SMARCD2: variants seen among roughly 807,000 people sequenced by gnomAD.
The protein encoded by SMARCD2 is SWI/SNF related BAF chromatin remodeling complex subunit D2, also known as SWI/SNF-related matrix-associated actin-dependent regulator of chromatin subfamily D member 2.
In SMARCD2, 39 loss-of-function variants were observed where a neutral mutation model predicts 70.4. The ratio of observed to expected loss-of-function variants is 0.55; its 90% confidence interval spans 0.43 to 0.72. The LOEUF (loss-of-function observed/expected upper bound fraction) is 0.72, where lower values mean the gene tolerates loss of function less well. SMARCD2 is among the 30% of genes least tolerant of loss of function. The pLI is 0.00. For missense variants in SMARCD2, 540 were observed against 713.4 expected, an observed-to-expected ratio of 0.76 and a Z score of 2.77; for synonymous variants, 249 against 279.4, an observed-to-expected ratio of 0.89 and a Z score of 1.08.
chr17:63,839,880 G>A (rs1013897318), intron 1 of SMARCD2, among the ~76,000 whole-genome samples: 1 of 152,164 alleles, frequency 6.6e-6, no homozygotes, highest in Non-Finnish European at 1.5e-5. Flanking sequence ...TATAATCCCA[G>A]CACTTTGGGA....
At position 63,833,106 on chromosome 17, in the gene SMARCD2, C is replaced by A; in HGVS notation, c.1505G>T (p.Trp502Leu). ...GTGCCTGCCTACTGCTTCCTGGGCC[C>A]AGGGCTGGTGGTAGAAAGCAGCTCG... ...ERRAAFYHQP[W>L]AQEAVGRHIF... The change falls in exon 12 of 13, where the codon TGG becomes TTG. Residue 502 changes from tryptophan to leucine, a missense_variant. Physicochemically the swap from Trp to Leu is moderately conservative, Grantham distance 61. Coordinates refer to ENST00000448276, the MANE Select transcript of SMARCD2 (RefSeq NM_001098426.2). The surrounding 1 kb of genome is among the most constrained non-coding windows in gnomAD (Gnocchi z 4.3). The A allele has an allele frequency of 6.2e-7, 1 of 1,604,680 alleles. No individual in the cohort carries two copies. The highest frequency in any genetic ancestry group is 2.2e-5 in the East Asian group (1 of 44,510).
chr17:63,842,560 C>T lies in SMARCD2; in HGVS notation c.115G>A (p.Gly39Arg), dbSNP rs1286199594. 3.1e-5 allele frequency: 37 copies of T among 1,204,904 alleles called. No homozygotes were observed. The highest frequency in any genetic ancestry group is 3.6e-5 in the Non-Finnish European group (35 of 971,080). The allele number at this position is 1,204,904 out of a possible 1,614,324, so 74.6% of individuals were successfully genotyped here. The change falls in exon 1 of 13, where the codon GGA becomes AGA. Residue 39 changes from glycine (G) to arginine (R), a missense_variant. By Grantham distance (125) the Gly-to-Arg change is moderately radical (BLOSUM62 -2). Coordinates refer to ENST00000448276, the MANE Select transcript of SMARCD2 (RefSeq NM_001098426.2). ...GGACCCGGTCCCCGGAGCGCCGGTCCGGGCAGCATGCCGGGTCCCGCGGGG... is the reference window on the plus strand; with the variant it reads ...GGACCCGGTCCCCGGAGCGCCGGTCTGGGCAGCATGCCGGGTCCCGCGGGG... ...PPPAGPGMLP[G>R]PALRGPGPAG...
chr17:63,839,319 G>C lies in SMARCD2; in HGVS notation c.217-1694C>G, dbSNP rs900376386. 4 of 817,134 alleles carry C rather than the reference G, an allele frequency of 4.9e-6. No homozygotes were observed. In the African/African-American group the frequency reaches 7.4e-5, roughly 15 times the overall value. The allele number at this position is 817,134 out of a possible 1,614,324, so 50.6% of individuals were successfully genotyped here. A position where few individuals can be genotyped will look rare whatever the true frequency, so the allele number is the denominator to read the frequency against. On this transcript the variant is annotated intron_variant, in intron 1 of 12. Transcript: ENST00000448276. ...TGTGGTCCCCAGGAAGCTCCCTGCT[G>C]CAGTGTTCACAAAACCTGCAGCACC...
At position 63,834,625 on chromosome 17, in the gene SMARCD2, CAG is replaced by C; in HGVS notation, c.820-52_820-51del. 6 of 1,570,924 alleles carry C rather than the reference CAG, an allele frequency of 3.8e-6. No homozygotes were observed. The highest frequency in any genetic ancestry group is 5.2e-6 in the Non-Finnish European group (6 of 1,143,034). On this transcript the variant is annotated intron_variant, in intron 6 of 12. Transcript: ENST00000448276. The surrounding 1 kb of genome is among the most constrained non-coding windows in gnomAD (Gnocchi z 5.6). ...ATCACCAAGGGGGTGGGCGTGAACA[CAG>C]GGCCTCCCAAGGGCCCTGAGGCCAT... is the stretch of plus-strand genomic sequence containing the variant.
In SMARCD2 at chr17:63,837,591, A is replaced by G; in HGVS notation, c.251T>C (p.Met84Thr). The G allele has an allele frequency of 6.2e-7, 1 of 1,613,154 alleles. No homozygotes were observed. ...AGGGGGTCCCACCTGCAAGCCAGCC[A>G]TGGGCATCCGGTTCCCTGGTGACAT... ...PGMSPGNRMPMAGLQVGPPAG... is the reference protein window; with the variant it reads ...PGMSPGNRMPTAGLQVGPPAG... The change falls in exon 2 of 13, where the codon ATG becomes ACG. Residue 84 changes from methionine to threonine, a missense_variant. Transcript: ENST00000448276. This position sits in a 1 kb window ranked among gnomAD's most constrained non-coding sequence, Gnocchi z 6.4.
intron 1 of SMARCD2, chr17:63,839,014 G>A: frequency 1.0e-6 from 1 of 985,340 alleles, no homozygotes; most frequent in South Asian, 4.7e-5. Flanking sequence ...GTGTTTGGGA[G>A]AATAAAAAGT....
chr17:63,835,285 G>C, intron 5 of SMARCD2, 127 bp downstream of exon 5: 1 of 939,866 alleles, frequency 1.1e-6, no homozygotes, highest in East Asian at 2.7e-5. Context: ...ACCGCACCCA[G>C]CTAATTTTTA....
At chr17:63,839,767 T>C (rs1437328546) in intron 1 of SMARCD2, among the ~76,000 whole-genome samples, 2 of 152,138 alleles carry the variant, frequency 1.3e-5, no homozygotes, top group African/African-American at 4.8e-5. Context: ...AATGTGGCCC[T>C]GATGCTCCTG....
In SMARCD2 at chr17:63,837,672, C is replaced by A. The variant is rs927876118; in HGVS notation, c.217-47G>T. 5 of 1,518,486 alleles carry A rather than the reference C, an allele frequency of 3.3e-6. No homozygotes were observed. Among genetic ancestry groups the A allele is most frequent in the Non-Finnish European group, 4.5e-6 (5 of 1,110,060 alleles). The allele number at this position is 1,518,486 out of a possible 1,614,324, so 94.1% of individuals were successfully genotyped here. The stretch of plus-strand genomic sequence containing the variant: ...GGGTGCATAGGTCAGGGGCAAGGCC[C>A]TCCGGGACCCATAGCCCATGCCCTC... On this transcript the variant is annotated intron_variant, in intron 1 of 12. Coordinates refer to ENST00000448276, the MANE Select transcript of SMARCD2 (RefSeq NM_001098426.2). The surrounding 1 kb of genome is among the most constrained non-coding windows in gnomAD (Gnocchi z 6.4).
intron 1 of SMARCD2, chr17:63,842,247 AG>A: frequency 1.2e-6 from 1 of 854,072 alleles, no homozygotes; most frequent in South Asian, 4.7e-5. Flanking sequence ...CAGGCCTCCC[AG>A]CTGCTTCCAG....
chr17:63,835,887 C>T (rs141238370), intron 4 of SMARCD2, among the ~76,000 whole-genome samples: 2,112 of 152,210 alleles, frequency 0.014, 46 homozygotes, highest in African/African-American at 0.049. Flanking sequence ...CACCACCATG[C>T]CCAGCTAATT....
chr17:63,832,652 T>G lies in SMARCD2; in HGVS notation c.*286A>C. 1 of 504,376 alleles carries G rather than the reference T, an allele frequency of 2.0e-6. No individual in the cohort carries two copies. The highest frequency in any genetic ancestry group is 2.2e-5 in the South Asian group (1 of 44,776). 31.2% of individuals were successfully genotyped at this position (504,376 alleles called of 1,614,324 possible). A position where few individuals can be genotyped will look rare whatever the true frequency, so the allele number is the denominator to read the frequency against. ...AACCCAGCAGCCTTTGGTTCGGAAA[T>G]GTCTTACAATGTCAAAGCACAGCCT... On this transcript the variant is annotated 3_prime_UTR_variant, in exon 13 of 13. Transcript: ENST00000448276.
rs1045326938 is a variant in SMARCD2 at position 63,832,879 on chromosome 17, G to A, written c.*59C>T. The A allele has an allele frequency of 4.1e-6, 6 of 1,471,296 alleles. No homozygotes were observed. In the South Asian group the frequency reaches 4.9e-5, roughly 12 times the overall value. The allele number at this position is 1,471,296 out of a possible 1,614,324, so 91.1% of individuals were successfully genotyped here. ...GCCTACGTGTCTGCGGCCCCAGCAA[G>A]GACCCAGAGGGTGGTCTCCCTCCAG... On this transcript the variant is annotated 3_prime_UTR_variant, in exon 13 of 13. Coordinates refer to ENST00000448276, the MANE Select transcript of SMARCD2 (RefSeq NM_001098426.2).
chr17:63,835,080 C>G (rs2040248222), intron 5 of SMARCD2: 1 of 536,248 alleles, frequency 1.9e-6, no homozygotes, highest in East Asian at 3.2e-5. Context: ...AGCAGCGCCC[C>G]CCTCCCTATG....
chr17:63,838,432 T>C (rs1324969761), intron 1 of SMARCD2, among the ~76,000 whole-genome samples: 3 of 152,038 alleles, frequency 2.0e-5, no homozygotes, highest in African/African-American at 4.8e-5. Context: ...ACTCTGCCAG[T>C]GGTCCAGGCA....
chr17:63,839,110 A>G (rs1904338486), intron 1 of SMARCD2: 11 of 985,388 alleles, frequency 1.1e-5, no homozygotes, highest in Non-Finnish European at 1.3e-5. Flanking sequence ...TTGAAAGGCA[A>G]AAGACAGCCT....
chr17:63,837,710 C>G lies in SMARCD2; in HGVS notation c.217-85G>C. The G allele has an allele frequency of 8.5e-7, 1 of 1,174,730 alleles. No homozygotes were observed. Among genetic ancestry groups the G allele is most frequent in the Non-Finnish European group, 1.2e-6 (1 of 829,128 alleles). 72.8% of individuals were successfully genotyped at this position (1,174,730 alleles called of 1,614,324 possible). A position where few individuals can be genotyped will look rare whatever the true frequency, so the allele number is the denominator to read the frequency against. On this transcript the variant is annotated intron_variant, in intron 1 of 12. Coordinates refer to ENST00000448276, the MANE Select transcript of SMARCD2 (RefSeq NM_001098426.2). The surrounding 1 kb of genome is among the most constrained non-coding windows in gnomAD (Gnocchi z 6.4). ...AGCCCATGCCCTCCATCCCTCTCGT[C>G]AGCCAGGTAGGGCCTGAGCAGCACA...
intron 1 of SMARCD2, among the ~76,000 whole-genome samples, chr17:63,840,793 G>A (rs1216458455): frequency 6.6e-6 from 1 of 152,230 alleles, no homozygotes; most frequent in African/African-American, 2.4e-5. Context: ...CTCCTGCCAG[G>A]AGGAGGAAAG....
intron 4 of SMARCD2, 103 bp from the exon 5 acceptor site, chr17:63,835,670 C>T (rs1249630290): frequency 9.2e-7 from 1 of 1,086,618 alleles, no homozygotes; most frequent in Non-Finnish European, 1.3e-6. Context: ...GTACTGAGCA[C>T]CATGAGCCAG....
Sources: allele counts gnomAD v4.1 joint callset (sites outside exome capture counted in the v4.1 genomes callset), GRCh38; gene constraint gnomAD v4.1.1; non-coding constraint Gnocchi (gnomAD v3.1); transcripts MANE v1.5; gene names NCBI Gene and HGNC (gene_info 2026-07-23, HGNC 2026-07-21).